Variants in INTS6 observed in about 807,000 individuals in gnomAD.
The protein encoded by INTS6 is DEAD box protein.
Under a neutral mutation model 104.9 loss-of-function variants are expected in INTS6, and 16 were observed. The observed-to-expected ratio is 0.15, with a 90% CI of 0.10 to 0.23. INTS6 has a LOEUF of 0.23. INTS6 is among the 10% of genes least tolerant of loss of function. The pLI is 1.00. For missense variants in INTS6, 584 were observed against 1,062.8 expected (o/e 0.55, Z 6.26); for synonymous variants, 324 against 358.7 (o/e 0.90, Z 1.09).
intron 4 of INTS6, among the ~76,000 whole-genome samples, chr13:51,404,957 T>C (rs1478402103): frequency 6.6e-6 from 1 of 152,154 alleles, no homozygotes. Context: ...TTCAAAAACA[T>C]GTAAGTAAAC....
chr13:51,433,892 C>G (rs528711281), intron 3 of INTS6, among the ~76,000 whole-genome samples: 2 of 152,264 alleles, frequency 1.3e-5, no homozygotes, highest in Admixed American at 6.5e-5. Context: ...AAGCACTTAT[C>G]TCATTTGACC....
At chr13:51,381,795 C>T (rs1467553240) in intron 10 of INTS6, among the ~76,000 whole-genome samples, 1 of 151,554 alleles carries the variant, frequency 6.6e-6, no homozygotes, top group African/African-American at 2.4e-5. Flanking sequence ...CTCTGCCTTC[C>T]GGTTTCAAGC....
chr13:51,358,945 G>A (rs146588462), downstream of INTS6, among the ~76,000 whole-genome samples: 64 of 150,760 alleles, frequency 4.2e-4, no homozygotes, highest in African/African-American at 1.1e-3. Context: ...ATGGTTAAAC[G>A]CTATGTATTA....
chr13:51,452,942 G>T lies in INTS6; in HGVS notation c.-417C>A. 4.7e-6 allele frequency: 5 copies of T among 1,058,578 alleles called. No homozygotes were observed. The highest frequency in any genetic ancestry group is 1.7e-5 in the African/African-American group (1 of 57,850). 65.6% of individuals were successfully genotyped at this position (1,058,578 alleles called of 1,614,324 possible). On this transcript the variant is annotated 5_prime_UTR_variant, in exon 1 of 18. Coordinates refer to ENST00000311234, the MANE Select transcript of INTS6 (RefSeq NM_012141.3). This position sits in a 1 kb window ranked among gnomAD's most constrained non-coding sequence, Gnocchi z 4.2. The stretch of plus-strand genomic sequence containing the variant: ...TGGCGAAGAGGGGAGTGGGCTGAGG[G>T]AAGATTGGCCCTGGGGCTGTTGGGA...
At chr13:51,345,630 T>C in the INTS6 span, among the ~76,000 whole-genome samples, 1 of 142,064 alleles carries the variant, frequency 7.0e-6, no homozygotes, top group African/African-American at 2.6e-5. Flanking sequence ...GAATAGGAAG[T>C]GATATGTATA....
chr13:51,381,433 CA>C (rs1177054244), intron 10 of INTS6, among the ~76,000 whole-genome samples: 1 of 152,024 alleles, frequency 6.6e-6, no homozygotes. Flanking sequence ...GTAACAGAAC[CA>C]ATAATCATTT....
the INTS6 span, among the ~76,000 whole-genome samples, chr13:51,337,741 T>C: frequency 6.6e-6 from 1 of 152,232 alleles, no homozygotes; most frequent in Non-Finnish European, 1.5e-5. Flanking sequence ...CAATTGTGAA[T>C]GGACAGGGTC....
chr13:51,451,489 A>T, intron 2 of INTS6: 1 of 169,356 alleles, frequency 5.9e-6, no homozygotes, highest in South Asian at 1.9e-4. Flanking sequence ...CGGACTTAGG[A>T]AGTTAACCTG....
intron 11 of INTS6, among the ~76,000 whole-genome samples, 187 bp downstream of exon 11, chr13:51,379,263 ATAATTTTCAAAT>A (rs1361905989): frequency 3.9e-5 from 6 of 152,122 alleles, no homozygotes; most frequent in Middle Eastern, 3.4e-3. Context: ...GAATTATTAT[ATAATTTTCAAAT>A]TAATGTTTCA....
chr13:51,448,664 TAAATATAC>T (rs1395826385), intron 3 of INTS6: 1 of 152,208 alleles, frequency 6.6e-6, no homozygotes, highest in African/African-American at 2.4e-5. Flanking sequence ...GATATCTACA[TAAATATAC>T]AAATATATAT....
exon 4 of INTS6, chr13:51,354,094 T>A (rs1419317951): frequency 3.9e-5 from 6 of 152,176 alleles, no homozygotes; most frequent in Admixed American, 3.9e-4. Flanking sequence ...ATATATTTTA[T>A]CCAGTATAAA....
chr13:51,376,195 A>G (rs376681915), intron 12 of INTS6, 21 bp from the exon 13 acceptor site: 28 of 1,576,114 alleles, frequency 1.8e-5, no homozygotes, highest in African/African-American at 2.7e-5. Flanking sequence ...ACATTCGAGG[A>G]CAAAATTTAT....
chr13:51,382,748 A>G (rs2137918421), intron 9 of INTS6, among the ~76,000 whole-genome samples: 1 of 152,308 alleles, frequency 6.6e-6, no homozygotes, highest in East Asian at 1.9e-4. Flanking sequence ...TCTAACTTGC[A>G]GAAAAGTTAG....
the INTS6 span, chr13:51,346,944 C>T: frequency 4.8e-6 from 5 of 1,050,678 alleles, no homozygotes; most frequent in Non-Finnish European, 7.2e-6. Flanking sequence ...TAACTCTGCA[C>T]TCCTTGTCCG....
intron 4 of INTS6, among the ~76,000 whole-genome samples, chr13:51,399,285 C>T (rs976890104): frequency 6.6e-6 from 1 of 152,128 alleles, no homozygotes; most frequent in Non-Finnish European, 1.5e-5. Flanking sequence ...TAGTTCACTG[C>T]ACCCTCAAAC....
chr13:51,370,903 T>C lies in INTS6; in HGVS notation c.2105-1593A>G, dbSNP rs2137870675. On this transcript the variant is annotated intron_variant, in intron 15 of 17. Coordinates refer to ENST00000311234, the MANE Select transcript of INTS6 (RefSeq NM_012141.3). ...TCTTTGGGTTAGCCACCCTATTCCC[T>C]AGCTCAGAACTCCCAACCGCATGCA... 1.3e-5 allele frequency among the ~76,000 whole-genome samples: 2 copies of C among 152,250 alleles called. 1 individual carries two copies. The highest frequency in any genetic ancestry group is 4.1e-4 in the South Asian group (2 of 4,824).
At chr13:51,434,156 C>A (rs1032427288) in intron 3 of INTS6, among the ~76,000 whole-genome samples, 1 of 152,140 alleles carries the variant, frequency 6.6e-6, no homozygotes, top group Non-Finnish European at 1.5e-5. Flanking sequence ...TTTAATATAT[C>A]CTTTCTGCAA....
chr13:51,381,072 A>G (rs1283640888), intron 10 of INTS6, among the ~76,000 whole-genome samples: 1 of 152,190 alleles, frequency 6.6e-6, no homozygotes, highest in Non-Finnish European at 1.5e-5. Flanking sequence ...CCTTGACATT[A>G]TTCCTTAAAC....
At chr13:51,375,300 C>A (rs139288472) in intron 13 of INTS6, among the ~76,000 whole-genome samples, 1 of 147,238 alleles carries the variant, frequency 6.8e-6, no homozygotes, top group Non-Finnish European at 1.5e-5. Flanking sequence ...TGCAGTGAGC[C>A]GAGATCACAC....
Sources: allele counts gnomAD v4.1 joint callset (sites outside exome capture counted in the v4.1 genomes callset), GRCh38; gene constraint gnomAD v4.1.1; non-coding constraint Gnocchi (gnomAD v3.1); transcripts MANE v1.5; gene names NCBI Gene and HGNC (gene_info 2026-07-23, HGNC 2026-07-21).